The following FLT1 variants were observed in gnomAD, a reference collection of about 807,000 sequenced individuals.
The protein encoded by FLT1 is vascular endothelial growth factor receptor 1.
A neutral mutation model predicts 156.3 loss-of-function variants in FLT1; 49 were observed. The observed-to-expected ratio is 0.31, with a 90% CI of 0.25 to 0.40. The LOEUF (loss-of-function observed/expected upper bound fraction) is 0.40, where lower values mean the gene tolerates loss of function less well. Among genes scored for constraint, FLT1 ranks in the 10% least tolerant of loss-of-function variants. The pLI is 1.00. For missense variants in FLT1, 1,322 were observed against 1,637.2 expected (o/e 0.81, Z 3.32); for synonymous variants, 594 against 583.8 (o/e 1.02, Z -0.25).
chr13:28,419,598 G>T (rs893874971), intron 10 of FLT1, among the ~76,000 whole-genome samples: 1 of 152,304 alleles, frequency 6.6e-6, no homozygotes, highest in Non-Finnish European at 1.5e-5. Context: ...ACCATCCAGC[G>T]GCCGGGTGCG....
intron 1 of FLT1, among the ~76,000 whole-genome samples, chr13:28,484,536 C>T (rs1881036439): frequency 6.6e-6 from 1 of 152,142 alleles, no homozygotes; most frequent in Non-Finnish European, 1.5e-5. Context: ...TAAGAAAACT[C>T]ACATGATTAA....
At chr13:28,494,427 T>G (rs528844664) in intron 1 of FLT1, among the ~76,000 whole-genome samples, 30 of 152,224 alleles carry the variant, frequency 2.0e-4, no homozygotes, top group African/African-American at 7.0e-4. Context: ...GCCAGGCAGG[T>G]CCCGGTGCGT....
rs1288989716 is a variant in FLT1, at chr13:28,473,831, AAAGAAAGG to A, written c.65-6222_65-6215del. 1.8e-3 allele frequency among the ~76,000 whole-genome samples: 210 copies of A among 115,052 alleles called. 2 individuals are homozygous for A. Among genetic ancestry groups the A allele is most frequent in the African/African-American group, 3.8e-3 (92 of 24,436 alleles). 75.5% of individuals were successfully genotyped at this position (115,052 alleles called of 152,430 possible). A position where few individuals can be genotyped will look rare whatever the true frequency, so the allele number is the denominator to read the frequency against. ...GAAAGAAAGAAAGAAAGAAAGAAAG[AAAGAAAGG>A]AAGAAAGAAAGAAAGAAAGAAAGAA... On this transcript the variant is annotated intron_variant, in intron 1 of 29. Transcript: ENST00000282397.
intron 1 of FLT1, among the ~76,000 whole-genome samples, chr13:28,491,167 G>A (rs201910060): frequency 2.7e-5 from 4 of 149,978 alleles, no homozygotes; most frequent in South Asian, 4.3e-4. Context: ...CCATTTTTTG[G>A]TAACACATCA....
rs1874596015 is a variant in FLT1 at position 28,389,880 on chromosome 13, G to T, written c.1885C>A (p.Gln629Lys). 1 of 1,614,092 alleles carries T rather than the reference G, an allele frequency of 6.2e-7. No homozygotes were observed. The highest frequency in any genetic ancestry group is 1.6e-4 in the Middle Eastern group (1 of 6,062). Residue 629 changes from glutamine (Q) to lysine (K), a missense_variant, in exon 13 of 30, where the codon CAA (glutamine) becomes AAA (lysine). Coordinates refer to ENST00000282397, the MANE Select transcript of FLT1 (RefSeq NM_002019.4). The stretch of plus-strand genomic sequence containing the variant: ...CTGCAGGCATAGGTGCCTGAATCTT[G>T]CAGGGAAACATTCATGATGGTAAGA... ...LNLTIMNVSL[Q>K]DSGTYACRAR...
In FLT1 at chr13:28,390,072, T is replaced by C. The variant is rs369686634; in HGVS notation, c.1693A>G (p.Lys565Glu). Reference protein sequence around the residue: ...VPNGFHVNLEKMPTEGEDLKL... With the variant: ...VPNGFHVNLEEMPTEGEDLKL... ...AGGTCCTCTCCTTCCGTCGGCATTT[T>C]TTCCAAGTTAACATGAAACCCATTT... Residue 565 changes from lysine to glutamate, a missense_variant, in exon 13 of 30, where the codon AAA (lysine) becomes GAA (glutamate). Physicochemically the swap from Lys to Glu is moderately conservative, Grantham distance 56 (BLOSUM62 1). Around this residue, in one of 3 missense-constraint regions of FLT1, gnomAD observed 991 missense variants for 1,254.8 expected, o/e 0.79. Transcript: ENST00000282397. 5.6e-5 allele frequency: 90 copies of C among 1,614,120 alleles called. 1 individual carries two copies. The highest frequency in any genetic ancestry group is 7.0e-5 in the Non-Finnish European group (83 of 1,180,044).
intron 13 of FLT1, chr13:28,386,054 T>G (rs1348117595): frequency 6.3e-5 from 66 of 1,053,950 alleles, no homozygotes; most frequent in Non-Finnish European, 7.2e-5. Context: ...TTGGCATAAC[T>G]GACACGTTCT....
chr13:28,392,563 G>C (rs937813585), intron 12 of FLT1, among the ~76,000 whole-genome samples: 1 of 152,162 alleles, frequency 6.6e-6, no homozygotes, highest in African/African-American at 2.4e-5. Flanking sequence ...AGATCGTGTA[G>C]AGAGTTTCTA....
intron 25 of FLT1, among the ~76,000 whole-genome samples, chr13:28,316,580 C>T (rs973455725): frequency 2.0e-5 from 3 of 151,826 alleles, no homozygotes; most frequent in Non-Finnish European, 4.4e-5. Flanking sequence ...CATGGACACC[C>T]GAAAAGCCAT....
At position 28,327,471 on chromosome 13, in the gene FLT1, A is replaced by G. The variant is rs1464318006; in HGVS notation, c.2787T>C (p.Phe929=). The change falls in exon 20 of 30, where the codon TTT becomes TTC. Residue 929 remains phenylalanine, a synonymous_variant. Coordinates refer to ENST00000282397, the MANE Select transcript of FLT1 (RefSeq NM_002019.4). ...CTTTTGAAATCCTTACCTTGTTGAG[A>G]AAAAATAAGTCACGTTTGCTCTTGA... ...NYLKSKRDLF[F]LNKDAALHME... 6 of 1,606,454 alleles carry G rather than the reference A, an allele frequency of 3.7e-6. No homozygotes were observed. The African/African-American group carries it at 4.0e-5, about 11-fold the overall frequency.
chr13:28,331,095 T>C (rs533799965), intron 18 of FLT1, among the ~76,000 whole-genome samples: 2 of 152,348 alleles, frequency 1.3e-5, no homozygotes, highest in Middle Eastern at 3.4e-3. Flanking sequence ...CTATTACAAA[T>C]AATACTGTGA....
At chr13:28,404,613 A>G (rs1421953953) in intron 11 of FLT1, among the ~76,000 whole-genome samples, 1 of 152,226 alleles carries the variant, frequency 6.6e-6, no homozygotes, top group Non-Finnish European at 1.5e-5. Context: ...ACATAAGCAT[A>G]CCCACACTCA....
At chr13:28,460,513 A>G (rs568440878) in intron 3 of FLT1, among the ~76,000 whole-genome samples, 1 of 152,186 alleles carries the variant, frequency 6.6e-6, no homozygotes, top group Non-Finnish European at 1.5e-5. Context: ...CAAGCCTCCG[A>G]GTGGGAAAAC....
At chr13:28,345,001 C>T (rs1340694122) in intron 16 of FLT1, among the ~76,000 whole-genome samples, 1 of 151,732 alleles carries the variant, frequency 6.6e-6, no homozygotes, top group African/African-American at 2.4e-5. Flanking sequence ...CAGGGTCTTA[C>T]TATATCGGAC....
At chr13:28,303,611 A>G (rs1870613142) in intron 29 of FLT1, among the ~76,000 whole-genome samples, 1 of 151,744 alleles carries the variant, frequency 6.6e-6, no homozygotes, top group South Asian at 2.1e-4. Context: ...TATGAAATGT[A>G]TGATAAGATA....
intron 3 of FLT1, among the ~76,000 whole-genome samples, chr13:28,458,659 T>C (rs1205368785): frequency 6.6e-6 from 1 of 152,252 alleles, no homozygotes; most frequent in Admixed American, 6.5e-5. Flanking sequence ...TCTTCTATAG[T>C]CAAGCTCCCT....
At position 28,478,514 on chromosome 13, in the gene FLT1, C is replaced by T. The variant is rs1033782165; in HGVS notation, c.65-10897G>A. ...GATCTGGGAGATATTTGATCAATTC[C>T]GTATAGGAGCTTGCCATGTAACAGT... On this transcript the variant is annotated intron_variant, in intron 1 of 29. Coordinates refer to ENST00000282397, the MANE Select transcript of FLT1 (RefSeq NM_002019.4). Among the ~76,000 whole-genome samples the T allele has an allele frequency of 3.9e-5, 6 of 152,136 alleles. No homozygotes were observed. In the South Asian group the frequency reaches 8.3e-4, roughly 21 times the overall value.
Position 28,301,848 on chromosome 13 carries a change from T to G in FLT1, c.*1319A>C. 4.3e-6 allele frequency: 1 copy of G among 233,570 alleles called. No homozygotes were observed. Among genetic ancestry groups the G allele is most frequent in the Non-Finnish European group, 8.5e-6 (1 of 117,930 alleles). 14.5% of individuals were successfully genotyped at this position (233,570 alleles called of 1,614,324 possible). A position where few individuals can be genotyped will look rare whatever the true frequency, so the allele number is the denominator to read the frequency against. On this transcript the variant is annotated 3_prime_UTR_variant, in exon 30 of 30. Coordinates refer to ENST00000282397, the MANE Select transcript of FLT1 (RefSeq NM_002019.4). ...TTTCTTCTAGTGATGGCTCATTAAC[T>G]AATATCCTGAGTCCCAACTGGAGAA...
At chr13:28,413,694 TG>T (rs1267904392) in intron 10 of FLT1, among the ~76,000 whole-genome samples, 4 of 152,142 alleles carry the variant, frequency 2.6e-5, no homozygotes, top group African/African-American at 9.7e-5. Context: ...ATTCACTCAG[TG>T]GAGAATATTT....
Sources: gnomAD v4.1 joint callset for allele counts (sites outside exome capture counted in the v4.1 genomes callset) on GRCh38, gnomAD v4.1.1 for gene constraint, gnomAD v4.1.1 regional missense constraint, MANE v1.5 for transcripts, NCBI Gene and HGNC (gene_info 2026-07-23, HGNC 2026-07-21) for gene names.